ACYP2: variants seen among roughly 807,000 people sequenced by gnomAD.
ACYP2 encodes acylphosphatase-2.
Under a neutral mutation model 11.2 loss-of-function variants are expected in ACYP2, and 12 were observed. The ratio of observed to expected loss-of-function variants is 1.08; its 90% CI spans 0.69 to 1.74. The LOEUF is 1.74. Among genes scored for constraint, ACYP2 ranks in the 40% most tolerant of loss-of-function variants. The pLI is 0.00. For missense variants in ACYP2, 134 were observed against 101.9 expected (o/e 1.31, Z -1.35); for synonymous variants, 43 against 32.2 (o/e 1.33, Z -1.13).
At chr2:54,209,054 A>C (rs1004131165) in intron 6 of ACYP2, among the ~76,000 whole-genome samples, 6 of 151,860 alleles carry the variant, frequency 4.0e-5, no homozygotes, top group Non-Finnish European at 4.4e-5. Context: ...TCAGTTCTTA[A>C]GAATGAAGCT....
At chr2:54,268,183 C>A (rs575319128) in intron 6 of ACYP2, among the ~76,000 whole-genome samples, 1 of 152,258 alleles carries the variant, frequency 6.6e-6, no homozygotes, top group South Asian at 2.1e-4. Context: ...AACTGAGATT[C>A]ATTTTCAAAA....
intron 6 of ACYP2, among the ~76,000 whole-genome samples, chr2:54,258,127 G>A (rs888503922): frequency 6.6e-6 from 1 of 152,122 alleles, no homozygotes; most frequent in Non-Finnish European, 1.5e-5. Context: ...ATTTTAGCAG[G>A]GGAGAAAGAT....
At chr2:54,048,548 C>T (rs1675651055) in intron 2 of ACYP2, among the ~76,000 whole-genome samples, 1 of 152,134 alleles carries the variant, frequency 6.6e-6, no homozygotes, top group Non-Finnish European at 1.5e-5. Context: ...TGCTCTGTCA[C>T]CCCACTGGAG....
chr2:54,073,688 A>G lies in ACYP2; in HGVS notation c.277+16328A>G, dbSNP rs189658572. On this transcript the variant is annotated intron_variant, in intron 4 of 6. Coordinates refer to ENST00000607452, the MANE Select transcript of ACYP2 (RefSeq NM_001320586.2). Reference sequence around the variant, plus strand: ...TGTAAATAACTATTACAACTCAAAAATAAAGACAATGATTAAAAAATGGGC... The same window carrying G: ...TGTAAATAACTATTACAACTCAAAAGTAAAGACAATGATTAAAAAATGGGC... 2.7e-4 allele frequency among the ~76,000 whole-genome samples: 41 copies of G among 152,348 alleles called. 1 individual carries two copies. The East Asian group carries it at 6.4e-3, about 24-fold the overall frequency.
intron 6 of ACYP2, among the ~76,000 whole-genome samples, chr2:54,160,915 A>G (rs1682682279): frequency 1.3e-5 from 2 of 152,226 alleles, no homozygotes; most frequent in Non-Finnish European, 1.5e-5. Flanking sequence ...GGTTTCATCA[A>G]AGAGAGTAAG....
chr2:54,010,790 T>G (rs1289753701), intron 2 of ACYP2, among the ~76,000 whole-genome samples: 1 of 129,920 alleles, frequency 7.7e-6, no homozygotes, highest in African/African-American at 3.0e-5. Flanking sequence ...CACCTCAGCC[T>G]CCTGAGTAGC....
chr2:54,272,851 C>A (rs1401854685), intron 6 of ACYP2, among the ~76,000 whole-genome samples: 1 of 152,214 alleles, frequency 6.6e-6, no homozygotes, highest in Non-Finnish European at 1.5e-5. Context: ...GAGAGACTTT[C>A]AATGATAGAA....
intron 6 of ACYP2, among the ~76,000 whole-genome samples, chr2:54,229,043 G>T (rs1169856879): frequency 1.3e-5 from 2 of 152,160 alleles, no homozygotes; most frequent in Non-Finnish European, 2.9e-5. Context: ...ATAAGTCAGG[G>T]TTAATGTAAT....
chr2:53,983,674 T>G (rs1052942031), intron 2 of ACYP2, among the ~76,000 whole-genome samples: 1 of 152,152 alleles, frequency 6.6e-6, no homozygotes, highest in Non-Finnish European at 1.5e-5. Flanking sequence ...GTTAAGAATT[T>G]TGGATTTTTT....
intron 4 of ACYP2, among the ~76,000 whole-genome samples, chr2:54,074,939 C>A (rs1572697501): frequency 6.6e-6 from 1 of 152,220 alleles, no homozygotes; most frequent in South Asian, 2.1e-4. Context: ...AATACCCCCA[C>A]AGTAACATCC....
chr2:54,021,349 G>T (rs1224598539), intron 2 of ACYP2, among the ~76,000 whole-genome samples: 1 of 152,156 alleles, frequency 6.6e-6, no homozygotes, highest in Admixed American at 6.5e-5. Context: ...CAAGGAGAAC[G>T]AGGAAGTTAA....
chr2:54,242,454 A>G (rs543472657), intron 6 of ACYP2, among the ~76,000 whole-genome samples: 1 of 152,238 alleles, frequency 6.6e-6, no homozygotes, highest in Non-Finnish European at 1.5e-5. Flanking sequence ...GAATGAACAT[A>G]TATTTGATGC....
At position 54,079,284 on chromosome 2, in the gene ACYP2, T is replaced by C. The variant is rs149719794; in HGVS notation, c.277+21924T>C. Among the ~76,000 whole-genome samples, 7 of 152,368 alleles carry C rather than the reference T, an allele frequency of 4.6e-5. No individual in the cohort carries two copies. The East Asian group carries it at 7.7e-4, about 17-fold the overall frequency. On this transcript the variant is annotated intron_variant, in intron 4 of 6. Transcript: ENST00000607452. ...CTTTACTGTGTACCAGCCAGGAGAC[T>C]TGGGGAGAGGGTTAACCCCATTCTA...
chr2:54,002,926 G>A (rs1206829746), intron 2 of ACYP2, among the ~76,000 whole-genome samples: 2 of 151,000 alleles, frequency 1.3e-5, no homozygotes, highest in African/African-American at 2.5e-5. Flanking sequence ...GGGATTACAG[G>A]CGTGAGCCAC....
At chr2:53,983,824 G>A (rs966399706) in intron 2 of ACYP2, among the ~76,000 whole-genome samples, 3 of 152,156 alleles carry the variant, frequency 2.0e-5, no homozygotes, top group African/African-American at 4.8e-5. Flanking sequence ...GCATCGGTTT[G>A]TAGAAAGACC....
At chr2:54,057,750 T>C (rs1228125922) in intron 4 of ACYP2, among the ~76,000 whole-genome samples, 2 of 152,164 alleles carry the variant, frequency 1.3e-5, no homozygotes, top group East Asian at 3.8e-4. Context: ...ATACTGAATA[T>C]TTGGCAGTTT....
chr2:54,225,086 T>C (rs760698732), intron 6 of ACYP2, among the ~76,000 whole-genome samples: 18 of 152,216 alleles, frequency 1.2e-4, no homozygotes, highest in Admixed American at 2.6e-4. Flanking sequence ...CCACAGTGAT[T>C]GCCAGTTCCA....
chr2:54,271,106 G>A (rs1688277597), intron 6 of ACYP2, among the ~76,000 whole-genome samples: 1 of 152,208 alleles, frequency 6.6e-6, no homozygotes, highest in Admixed American at 6.5e-5. Context: ...CATAGGCCAA[G>A]CTCACTATGG....
chr2:54,198,975 A>G (rs919873602), intron 6 of ACYP2, among the ~76,000 whole-genome samples: 1 of 152,192 alleles, frequency 6.6e-6, no homozygotes, highest in Non-Finnish European at 1.5e-5. Flanking sequence ...GGGTTGCCCT[A>G]TGATTCCCTT....
Sources: allele counts gnomAD v4.1 joint callset (sites outside exome capture counted in the v4.1 genomes callset), GRCh38; gene constraint gnomAD v4.1.1; transcripts MANE v1.5; gene names NCBI Gene and HGNC (gene_info 2026-07-23, HGNC 2026-07-21).